The following COL28A1 variants were observed in gnomAD, a reference collection of about 807,000 sequenced individuals.
The protein encoded by COL28A1 is collagen type XXVIII alpha 1 chain.
A neutral mutation model predicts 150.2 loss-of-function variants in COL28A1; 161 were observed. The observed-to-expected ratio is 1.07, with a 90% CI of 0.94 to 1.22. The LOEUF is 1.22. Ranked by LOEUF, COL28A1 falls within the 50% of genes most tolerant of loss-of-function variation. COL28A1 has a pLI of 0.00. For synonymous variants in COL28A1, 552 were observed against 469.7 expected, an observed-to-expected ratio of 1.18 and a Z score of -2.26; for missense variants, 1,617 against 1,388.3, an observed-to-expected ratio of 1.16 and a Z score of -2.62.
chr7:7,364,914 G>A (rs1215616534), intron 33 of COL28A1, among the ~76,000 whole-genome samples: 1 of 151,876 alleles, frequency 6.6e-6, no homozygotes, highest in Non-Finnish European at 1.5e-5. Flanking sequence ...TGTTACACTC[G>A]TCTTCAGGTT....
At chr7:7,362,417 C>CT (rs1780716878) in intron 33 of COL28A1, among the ~76,000 whole-genome samples, 1 of 152,022 alleles carries the variant, frequency 6.6e-6, no homozygotes, top group African/African-American at 2.4e-5. Context: ...GTTTTTTATG[C>CT]TTTTTTACCC....
In COL28A1 at chr7:7,509,127, C is replaced by G. The variant is rs1780985039; in HGVS notation, c.927+1964G>C. 2.0e-5 allele frequency among the ~76,000 whole-genome samples: 3 copies of G among 151,978 alleles called. No individual in the cohort carries two copies. In the South Asian group the frequency reaches 6.2e-4, roughly 32 times the overall value. On this transcript the variant is annotated intron_variant, in intron 9 of 34. Coordinates refer to ENST00000399429, the MANE Select transcript of COL28A1 (RefSeq NM_001037763.3). ...GGGATTACAGGCATAAGCCACCACG[C>G]CCAGCCTATTTTGTTTTTTTTGAGA...
rs188816946 is a variant in COL28A1, at chr7:7,528,486, T to G, written c.681+2862A>C. On this transcript the variant is annotated intron_variant, in intron 3 of 34. Coordinates refer to ENST00000399429, the MANE Select transcript of COL28A1 (RefSeq NM_001037763.3). ...TCAAGGAATTTGCAATGATTTGTTT[T>G]GTCTTTGCTCCTGAAGAATCTATTC... is the stretch of plus-strand genomic sequence containing the variant. 2.2e-3 allele frequency among the ~76,000 whole-genome samples: 330 copies of G among 152,320 alleles called. 3 individuals are homozygous for G. Among genetic ancestry groups the G allele is most frequent in the African/African-American group, 7.6e-3 (316 of 41,578 alleles).
intron 27 of COL28A1, among the ~76,000 whole-genome samples, chr7:7,393,977 GA>G (rs34143609): frequency 0.65 from 95,821 of 148,316 alleles, 31,038 homozygotes; most frequent in Admixed American, 0.69. Context: ...ACTGGGGTAT[GA>G]AAAAAAAAAA....
chr7:7,453,392 C>G (rs1786870611), intron 17 of COL28A1, 48 bp downstream of exon 17: 1 of 878,504 alleles, frequency 1.1e-6, no homozygotes, highest in African/African-American at 1.6e-5. Flanking sequence ...CAGAAAACAG[C>G]AATTATACTA....
At position 7,360,486 on chromosome 7, in the gene COL28A1, C is replaced by T. The variant is rs1780592712; in HGVS notation, c.3109G>A (p.Glu1037Lys). 6.2e-7 allele frequency: 1 copy of T among 1,608,856 alleles called. No homozygotes were observed. Among genetic ancestry groups the T allele is most frequent in the Non-Finnish European group, 8.5e-7 (1 of 1,178,480 alleles). Residue 1037 changes from glutamate (E) to lysine (K), a missense_variant, in exon 34 of 35, where the codon GAG becomes AAG. Physicochemically the swap from Glu to Lys is moderately conservative, Grantham distance 56. Coordinates refer to ENST00000399429, the MANE Select transcript of COL28A1 (RefSeq NM_001037763.3). ...GGCAGATCATCAGCCCACGTTGGCT[C>T]TGGAGCCTTATCATCTTCATCCTGG... Reference protein sequence around the residue: ...RDQDEDDKAPEPTWADDLPAT... With the variant: ...RDQDEDDKAPKPTWADDLPAT...
At chr7:7,376,594 T>G (rs1022283293) in intron 30 of COL28A1, among the ~76,000 whole-genome samples, 1 of 152,062 alleles carries the variant, frequency 6.6e-6, no homozygotes, top group African/African-American at 2.4e-5. Flanking sequence ...TAAAAAGGCA[T>G]TTAAAAAAAT....
chr7:7,489,558 T>C (rs1779808515), intron 12 of COL28A1, 101 bp from the exon 13 acceptor site: 3 of 750,190 alleles, frequency 4.0e-6, no homozygotes, highest in African/African-American at 3.5e-5. Flanking sequence ...AATAGCGAAA[T>C]AGACAAAATG....
In COL28A1 at chr7:7,381,623, T is replaced by C; in HGVS notation, c.2137-11A>G. On this transcript the variant is annotated splice_polypyrimidine_tract_variant and intron_variant, in intron 27 of 34. Transcript: ENST00000399429. ...TGGTCCTTGTTCCCCCTACATAGGA[T>C]ATGAGAAAGAGATGTTCTATTAATT... The C allele has an allele frequency of 6.2e-7, 1 of 1,605,318 alleles. No homozygotes were observed. Among genetic ancestry groups the C allele is most frequent in the Non-Finnish European group, 8.5e-7 (1 of 1,171,980 alleles).
chr7:7,531,758 T>C lies in COL28A1; in HGVS notation c.271A>G (p.Ile91Val), dbSNP rs866414438. 12 of 1,609,856 alleles carry C rather than the reference T, an allele frequency of 7.5e-6. No homozygotes were observed. The highest frequency in any genetic ancestry group is 1.3e-5 in the African/African-American group (1 of 74,946). Reference protein sequence around the residue: ...LTPGRSLEYDIKLAALQFSSS... With the variant: ...LTPGRSLEYDVKLAALQFSSS... Reference sequence around the variant, plus strand: ...CTAAACTGAAGGGCTGCCAGTTTGATGTCATATTCCAAGGAGCGACCAGGA... The same window carrying C: ...CTAAACTGAAGGGCTGCCAGTTTGACGTCATATTCCAAGGAGCGACCAGGA... Residue 91 changes from isoleucine (I) to valine (V), a missense_variant, in exon 3 of 35, where the codon ATC becomes GTC. Physicochemically the swap from Ile to Val is conservative, Grantham distance 29. Transcript: ENST00000399429.
rs1301270852 is a variant in COL28A1 at position 7,369,910 on chromosome 7, T to C, written c.3066+815A>G. Among the ~76,000 whole-genome samples, 4 of 152,256 alleles carry C rather than the reference T, an allele frequency of 2.6e-5. 1 individual carries two copies. The highest frequency in any genetic ancestry group is 4.1e-4 in the South Asian group (2 of 4,826). ...ACAGAACAGGGGCATGACTGTTATGTGCCTGCTTGCCAGAGGATGTCCATG... is the reference window on the plus strand; with the variant it reads ...ACAGAACAGGGGCATGACTGTTATGCGCCTGCTTGCCAGAGGATGTCCATG... On this transcript the variant is annotated intron_variant, in intron 33 of 34. Coordinates refer to ENST00000399429, the MANE Select transcript of COL28A1 (RefSeq NM_001037763.3).
At chr7:7,498,941 C>T (rs867800821) in intron 11 of COL28A1, among the ~76,000 whole-genome samples, 5 of 152,130 alleles carry the variant, frequency 3.3e-5, no homozygotes, top group Middle Eastern at 6.8e-3. Flanking sequence ...GTATATATAC[C>T]CCATCTGCTG....
chr7:7,538,831 C>G (rs943803803), upstream of COL28A1, among the ~76,000 whole-genome samples: 2 of 151,860 alleles, frequency 1.3e-5, no homozygotes, highest in Non-Finnish European at 2.9e-5. Flanking sequence ...TTTTAGCCAC[C>G]TCCCACACTG....
At position 7,532,123 on chromosome 7, in the gene COL28A1, T is replaced by C. The variant is rs933949772; in HGVS notation, c.125-219A>G. Among the ~76,000 whole-genome samples, 15 of 152,122 alleles carry C rather than the reference T, an allele frequency of 9.9e-5. No homozygotes were observed. In the South Asian group the frequency reaches 2.5e-3, roughly 25 times the overall value. On this transcript the variant is annotated intron_variant, in intron 2 of 34. Coordinates refer to ENST00000399429, the MANE Select transcript of COL28A1 (RefSeq NM_001037763.3). ...CTTGTAAAATCATGCAAATTAAAAA[T>C]AAATAAGATATCTTTTATTCTGAGC...
Position 7,432,467 on chromosome 7 carries a change from T to G in COL28A1, c.1998+6A>C, listed in dbSNP as rs1785039342. The stretch of plus-strand genomic sequence containing the variant: ...AGCTAGTACGTTGCCTACTTTAAAG[T>G]CTTACCTTTGCTCCAGTGTCTCCCA... On this transcript the variant is annotated splice_donor_region_variant and intron_variant, in intron 25 of 34. Coordinates refer to ENST00000399429, the MANE Select transcript of COL28A1 (RefSeq NM_001037763.3). 8.1e-6 allele frequency: 13 copies of G among 1,613,764 alleles called. No individual in the cohort carries two copies. Among genetic ancestry groups the G allele is most frequent in the Non-Finnish European group, 1.1e-5 (13 of 1,179,688 alleles).
the COL28A1 span, among the ~76,000 whole-genome samples, chr7:7,540,926 A>G: frequency 1.7e-5 from 1 of 58,508 alleles, no homozygotes; most frequent in South Asian, 5.3e-4. Flanking sequence ...TAATCAAAAC[A>G]TAGCCAGTAA....
chr7:7,401,633 C>T lies in COL28A1; in HGVS notation c.2136+16226G>A, dbSNP rs547069714. 1.3e-4 allele frequency among the ~76,000 whole-genome samples: 20 copies of T among 152,176 alleles called. 1 individual carries two copies. In the East Asian group the frequency reaches 3.5e-3, roughly 27 times the overall value. ...TATACCCCATATTCAGTCCAGAATGCAACCACCCCTTATCACTTCCACCAT... is the reference window on the plus strand; with the variant it reads ...TATACCCCATATTCAGTCCAGAATGTAACCACCCCTTATCACTTCCACCAT... On this transcript the variant is annotated intron_variant, in intron 27 of 34. Transcript: ENST00000399429.
chr7:7,473,263 T>C (rs1788579785), intron 15 of COL28A1, among the ~76,000 whole-genome samples: 1 of 152,016 alleles, frequency 6.6e-6, no homozygotes, highest in Non-Finnish European at 1.5e-5. Context: ...ACCCACAGAA[T>C]GGGAGAAAAT....
intron 13 of COL28A1, among the ~76,000 whole-genome samples, chr7:7,480,383 A>C (rs1301264675): frequency 6.6e-6 from 1 of 152,254 alleles, no homozygotes; most frequent in South Asian, 2.1e-4. Context: ...CCAAGACCTT[A>C]ATGAAAGCAC....
Sources: gnomAD v4.1 joint callset for allele counts (sites outside exome capture counted in the v4.1 genomes callset) on GRCh38, gnomAD v4.1.1 for gene constraint, MANE v1.5 for transcripts, NCBI Gene and HGNC (gene_info 2026-07-23, HGNC 2026-07-21) for gene names.